Variants in RIN2 observed in about 807,000 individuals in gnomAD.
RIN2 encodes the protein Ras and Rab interactor 2.
A neutral mutation model predicts 78.0 loss-of-function variants in RIN2; 36 were observed. The ratio of observed to expected loss-of-function variants is 0.46; its 90% CI spans 0.35 to 0.61. The LOEUF (loss-of-function observed/expected upper bound fraction) is 0.61. Among genes scored for constraint, RIN2 ranks in the 20% least tolerant of loss-of-function variants. RIN2 has a pLI of 0.00. For missense variants in RIN2, 1,087 were observed against 1,159.7 expected (o/e 0.94, Z 0.91); for synonymous variants, 466 against 466.8 (o/e 1.00, Z 0.02).
intron 2 of RIN2, among the ~76,000 whole-genome samples, chr20:19,858,348 G>A (rs576656760): frequency 5.3e-5 from 8 of 152,288 alleles, no homozygotes; most frequent in African/African-American, 1.4e-4. Flanking sequence ...TAGGGGAATA[G>A]ATTGAAGCAG....
chr20:19,978,521 A>G (rs1423255783), intron 9 of RIN2, among the ~76,000 whole-genome samples: 1 of 152,216 alleles, frequency 6.6e-6, no homozygotes, highest in Non-Finnish European at 1.5e-5. Flanking sequence ...CACTTTCTAG[A>G]CAAGTGCAAA....
intron 1 of RIN2, among the ~76,000 whole-genome samples, chr20:19,794,974 CTAGTT>C (rs756937359): frequency 2.0e-5 from 3 of 152,178 alleles, no homozygotes; most frequent in Non-Finnish European, 4.4e-5. Flanking sequence ...TAGAGAAACT[CTAGTT>C]TGTTGAGAAA....
At chr20:19,995,261 T>TAAAAAAA (rs74180976) in intron 11 of RIN2, among the ~76,000 whole-genome samples, 2 of 122,700 alleles carry the variant, frequency 1.6e-5, no homozygotes, top group African/African-American at 3.2e-5. Context: ...GTTTTTTTTT[T>TAAAAAAA]AAAAAAAAAA....
intron 3 of RIN2, among the ~76,000 whole-genome samples, chr20:19,906,870 T>TA (rs756600114): frequency 2.0e-5 from 3 of 152,230 alleles, no homozygotes; most frequent in Non-Finnish European, 4.4e-5. Flanking sequence ...TGACCTCTGA[T>TA]ATGTGACATA....
chr20:19,889,559 C>T lies in RIN2; in HGVS notation c.-36-7C>T. 3 of 1,547,560 alleles carry T rather than the reference C, an allele frequency of 1.9e-6. No homozygotes were observed. The highest frequency in any genetic ancestry group is 2.6e-6 in the Non-Finnish European group (3 of 1,144,522). ...GGACTAACCATTAAAAATGTCTCTA[C>T]CTTCAGGAGTCCCCGGCGTGCAGTG... On this transcript the variant is annotated splice_polypyrimidine_tract_variant and splice_region_variant and intron_variant, in intron 2 of 12. Coordinates refer to ENST00000255006, the MANE Select transcript of RIN2 (RefSeq NM_018993.4).
intron 2 of RIN2, among the ~76,000 whole-genome samples, chr20:19,833,296 T>TATATATATATATATATATATATA (rs1568794611): frequency 3.9e-5 from 6 of 152,024 alleles, no homozygotes; most frequent in East Asian, 1.9e-4. Context: ...TATATATATA[T>TATATATATATATATATATATATA]TTTAACTTTA....
chr20:19,777,397 T>C (rs1363946825), intron 1 of RIN2, among the ~76,000 whole-genome samples: 1 of 152,250 alleles, frequency 6.6e-6, no homozygotes, highest in East Asian at 1.9e-4. Context: ...CAAAGAAACA[T>C]GCTGTTTCAG....
At chr20:19,929,228 T>C (rs1368396384) in intron 3 of RIN2, among the ~76,000 whole-genome samples, 1 of 152,214 alleles carries the variant, frequency 6.6e-6, no homozygotes, top group Non-Finnish European at 1.5e-5. Flanking sequence ...CCCCTCCCCA[T>C]GCTTGCAGGA....
At chr20:19,949,854 G>A (rs1219976638) in intron 4 of RIN2, among the ~76,000 whole-genome samples, 1 of 152,198 alleles carries the variant, frequency 6.6e-6, no homozygotes, top group African/African-American at 2.4e-5. Flanking sequence ...TGGAAGTTCT[G>A]CTCTGTGTCG....
At chr20:19,901,571 A>G (rs1480987779) in intron 3 of RIN2, among the ~76,000 whole-genome samples, 1 of 152,166 alleles carries the variant, frequency 6.6e-6, no homozygotes, top group African/African-American at 2.4e-5. Flanking sequence ...TTGTTGGTAT[A>G]CACTGCCATT....
Position 20,000,840 on chromosome 20 carries a change from A to G in RIN2, c.2592A>G (p.Pro864=), listed in dbSNP as rs1474721391. ...QKIKAELHSR[P]QPHIFHFVYK... is the part of the protein sequence containing the mutation. Reference sequence around the variant, plus strand: ...TCAAGGCGGAGCTGCACAGCCGACCACAGCCCCACATCTTCCACTTTGTCT... The same window carrying G: ...TCAAGGCGGAGCTGCACAGCCGACCGCAGCCCCACATCTTCCACTTTGTCT... The change falls in exon 13 of 13, where the codon CCA becomes CCG. Residue 864 remains proline (P), a synonymous_variant. Coordinates refer to ENST00000255006, the MANE Select transcript of RIN2 (RefSeq NM_018993.4). 1.2e-6 allele frequency: 2 copies of G among 1,614,016 alleles called. No homozygotes were observed. Among genetic ancestry groups the G allele is most frequent in the African/African-American group, 1.3e-5 (1 of 75,050 alleles).
At chr20:19,816,920 C>T (rs1281312540) in intron 2 of RIN2, among the ~76,000 whole-genome samples, 1 of 152,080 alleles carries the variant, frequency 6.6e-6, no homozygotes, top group African/African-American at 2.4e-5. Context: ...AAGAGAGGAA[C>T]ATTTATCATA....
At position 19,876,901 on chromosome 20, in the gene RIN2, C is replaced by CAAA. The variant is rs11483125; in HGVS notation, c.-36-12655_-36-12653dup. Among the ~76,000 whole-genome samples the CAAA allele has an allele frequency of 4.4e-3, 632 of 142,434 alleles. 8 individuals are homozygous for CAAA. Among genetic ancestry groups the CAAA allele is most frequent in the African/African-American group, 8.9e-3 (342 of 38,534 alleles). The allele number at this position is 142,434 out of a possible 152,430, so 93.4% of individuals were successfully genotyped here. On this transcript the variant is annotated intron_variant, in intron 2 of 12. Coordinates refer to ENST00000255006, the MANE Select transcript of RIN2 (RefSeq NM_018993.4). ...AGCCTGGGCAATAGAGACTCCATCTCAAAAAAAAAAAACAAAAAACAAACA... is the reference window on the plus strand; with the variant it reads ...AGCCTGGGCAATAGAGACTCCATCTCAAAAAAAAAAAAAAACAAAAAACAAACA...
intron 1 of RIN2, among the ~76,000 whole-genome samples, chr20:19,771,432 C>G (rs2034117669): frequency 6.6e-6 from 1 of 152,212 alleles, no homozygotes; most frequent in South Asian, 2.1e-4. Context: ...CCTCATTTCT[C>G]TTGCCTGGTC....
chr20:19,780,884 G>T (rs2034478330), intron 1 of RIN2, among the ~76,000 whole-genome samples: 1 of 152,174 alleles, frequency 6.6e-6, no homozygotes, highest in African/African-American at 2.4e-5. Context: ...TTGTGCTGTG[G>T]CTTTACATGT....
intron 3 of RIN2, among the ~76,000 whole-genome samples, chr20:19,906,819 T>C (rs911381): frequency 0.38 from 57,994 of 152,068 alleles, 12,032 homozygotes; most frequent in Non-Finnish European, 0.46. Flanking sequence ...TGAAGCAAAC[T>C]GGGCAGAGCA....
intron 1 of RIN2, among the ~76,000 whole-genome samples, chr20:19,774,500 A>C (rs2034242519): frequency 6.6e-6 from 1 of 152,268 alleles, no homozygotes; most frequent in Admixed American, 6.5e-5. Context: ...CTTTAGTCAG[A>C]AAAAGCCATG....
intron 6 of RIN2, among the ~76,000 whole-genome samples, chr20:19,961,155 A>G (rs2041733045): frequency 6.6e-6 from 1 of 152,234 alleles, no homozygotes; most frequent in Non-Finnish European, 1.5e-5. Context: ...CTAAGTTGCA[A>G]GGAGACTGTA....
In RIN2 at chr20:20,001,860, A is replaced by G. The variant is rs1286389139; in HGVS notation, c.*924A>G. ...GGCTCTTCAAAAGATGTAGAAAAAG[A>G]GATAGAAGGAACCACCTATGCTTAA... On this transcript the variant is annotated 3_prime_UTR_variant, in exon 13 of 13. Transcript: ENST00000255006. 6.6e-6 allele frequency: 1 copy of G among 152,664 alleles called. No homozygotes were observed. The highest frequency in any genetic ancestry group is 1.5e-5 in the Non-Finnish European group (1 of 68,044). The allele number at this position is 152,664 out of a possible 1,614,324, so 9.5% of individuals were successfully genotyped here.
Sources: allele counts gnomAD v4.1 joint callset (sites outside exome capture counted in the v4.1 genomes callset), GRCh38; gene constraint gnomAD v4.1.1; transcripts MANE v1.5; gene names NCBI Gene and HGNC (gene_info 2026-07-23, HGNC 2026-07-21).